The following FCRL4 variants were observed in gnomAD, a reference collection of about 807,000 sequenced individuals.
FCRL4 encodes Fc receptor like 4, also known as Fc receptor-like protein 4.
A neutral mutation model predicts 64.1 loss-of-function variants in FCRL4; 43 were observed. The observed-to-expected ratio is 0.67, with a 90% CI of 0.53 to 0.87. FCRL4 has a LOEUF of 0.87. FCRL4 is among the 40% of genes least tolerant of loss of function. The pLI, the probability that FCRL4 is intolerant of heterozygous loss-of-function variation, is 0.00. For synonymous variants in FCRL4, 253 were observed against 239.8 expected (o/e 1.05, Z -0.51); for missense variants, 656 against 613.5 (o/e 1.07, Z -0.73).
Position 157,589,184 on chromosome 1 carries a change from T to C in FCRL4, c.307+20A>G, listed in dbSNP as rs779390508. 1 of 1,608,002 alleles carries C rather than the reference T, an allele frequency of 6.2e-7. No homozygotes were observed. Among genetic ancestry groups the C allele is most frequent in the East Asian group, 2.2e-5 (1 of 44,754 alleles). On this transcript the variant is annotated intron_variant, in intron 3 of 11. Coordinates refer to ENST00000271532, the MANE Select transcript of FCRL4 (RefSeq NM_031282.3). ...CTGATACCATTTATAAAGTTTCAAC[T>C]AATTCACCTTCTTTCTCACCTGAAG...
Position 157,589,363 on chromosome 1 carries a change from A to G in FCRL4, c.148T>C (p.Tyr50His). 1 of 1,614,204 alleles carries G rather than the reference A, an allele frequency of 6.2e-7. No individual in the cohort carries two copies. The highest frequency in any genetic ancestry group is 8.5e-7 in the Non-Finnish European group (1 of 1,180,026). ...VTLTCNGFQF[Y>H]ATEKTTWYHR... Reference sequence around the variant, plus strand: ...TACCATGTTGTTTTCTCTGTTGCATAGAACTGAAATCCATTGCAAGTCAGA... The same window carrying G: ...TACCATGTTGTTTTCTCTGTTGCATGGAACTGAAATCCATTGCAAGTCAGA... Residue 50 changes from tyrosine (Y) to histidine (H), a missense_variant, in exon 3 of 12, where the codon TAT (tyrosine) becomes CAT (histidine). Transcript: ENST00000271532.
Position 157,586,387 on chromosome 1 carries a change from G to A in FCRL4, c.916C>T (p.Leu306=), listed in dbSNP as rs967722456. Reference sequence around the variant, plus strand: ...TCAGCCACGGAGCAGACAAGGACCAGCATCTCCCCTTCAACAGCCTGGCCC... The same window carrying A: ...TCAGCCACGGAGCAGACAAGGACCAACATCTCCCCTTCAACAGCCTGGCCC... ...SGGQAVEGEM[L]VLVCSVAEGT... is the part of the protein sequence containing the mutation. Residue 306 remains leucine (L), a synonymous_variant, in exon 6 of 12, where the codon CTG becomes TTG. Transcript: ENST00000271532. The A allele has an allele frequency of 1.2e-6, 2 of 1,613,240 alleles. No individual in the cohort carries two copies. The highest frequency in any genetic ancestry group is 8.5e-7 in the Non-Finnish European group (1 of 1,179,994).
At chr1:157,577,155 A>C (rs1245842475) in intron 10 of FCRL4, among the ~76,000 whole-genome samples, 1 of 152,184 alleles carries the variant, frequency 6.6e-6, no homozygotes, top group Non-Finnish European at 1.5e-5. Context: ...TTTATGTCCA[A>C]TGTGTCTCTG....
At chr1:157,597,629 A>C (rs1220751626) in intron 1 of FCRL4, among the ~76,000 whole-genome samples, 1 of 152,186 alleles carries the variant, frequency 6.6e-6, no homozygotes, top group Non-Finnish European at 1.5e-5. Flanking sequence ...TAGGGACTGA[A>C]CCTAGCCATA....
At position 157,589,277 on chromosome 1, in the gene FCRL4, C is replaced by A. The variant is rs866884051; in HGVS notation, c.234G>T (p.Arg78=). Residue 78 remains arginine (R), a synonymous_variant, in exon 3 of 12, where the codon CGG becomes CGT. Coordinates refer to ENST00000271532, the MANE Select transcript of FCRL4 (RefSeq NM_031282.3). ...TLTPGNTLEV[R]ESGLYRCQAR... The stretch of plus-strand genomic sequence containing the variant: ...CCTGGCATCTGTACAGTCCAGATTC[C>A]CGAACCTCGAGGGTGTTTCCTGGGG... 2 of 1,614,160 alleles carry A rather than the reference C, an allele frequency of 1.2e-6. No individual in the cohort carries two copies. The highest frequency in any genetic ancestry group is 3.3e-5 in the Admixed American group (2 of 60,024).
chr1:157,588,424 A>G (rs575136694), intron 3 of FCRL4, among the ~76,000 whole-genome samples: 2 of 152,318 alleles, frequency 1.3e-5, no homozygotes, highest in Admixed American at 1.3e-4. Flanking sequence ...GCAGAACTTA[A>G]CACCAACCTG....
At chr1:157,585,243 C>CCTTTCCTTT (rs200127452) in intron 6 of FCRL4, among the ~76,000 whole-genome samples, 6 of 150,982 alleles carry the variant, frequency 4.0e-5, no homozygotes, top group African/African-American at 1.2e-4. Context: ...TCCTTTCTTT[C>CCTTTCCTTT]CTTTCCTTTC....
chr1:157,573,970 G>A lies in FCRL4; in HGVS notation c.*1554C>T, dbSNP rs28408942. 2.0e-5 allele frequency: 4 copies of A among 199,602 alleles called. No homozygotes were observed. The highest frequency in any genetic ancestry group is 4.6e-5 in the African/African-American group (2 of 43,378). 12.4% of individuals were successfully genotyped at this position (199,602 alleles called of 1,614,324 possible). A position where few individuals can be genotyped will look rare whatever the true frequency, so the allele number is the denominator to read the frequency against. On this transcript the variant is annotated 3_prime_UTR_variant, in exon 12 of 12. Transcript: ENST00000271532. ...CAAGACCCACACATTCCTTTTGGTC[G>A]ACATGTCTCGTCTCATTTAATTTAT... is the stretch of plus-strand genomic sequence containing the variant.
chr1:157,592,138 A>C (rs1041615649), intron 2 of FCRL4, among the ~76,000 whole-genome samples: 2 of 152,244 alleles, frequency 1.3e-5, no homozygotes, highest in Non-Finnish European at 2.9e-5. Context: ...AAAACCATAA[A>C]AACTCTAGAA....
At chr1:157,596,461 T>C in intron 1 of FCRL4, 113 bp from the exon 2 acceptor site, 1 of 1,130,440 alleles carries the variant, frequency 8.8e-7, no homozygotes, top group Non-Finnish European at 1.3e-6. Flanking sequence ...AGAAACACGT[T>C]CCATTCCATC....
intron 1 of FCRL4, 30 bp downstream of exon 1, chr1:157,597,884 G>A (rs866686710): frequency 1.2e-6 from 2 of 1,603,040 alleles, no homozygotes; most frequent in African/African-American, 2.7e-5. Flanking sequence ...CAGCTTTGCA[G>A]CAAGCAAAGG....
In FCRL4 at chr1:157,582,125, A is replaced by G. The variant is rs896217917; in HGVS notation, c.1136-481T>C. Among the ~76,000 whole-genome samples, 3 of 152,238 alleles carry G rather than the reference A, an allele frequency of 2.0e-5. No individual in the cohort carries two copies. In the South Asian group the frequency reaches 6.2e-4, roughly 32 times the overall value. On this transcript the variant is annotated intron_variant, in intron 6 of 11. Coordinates refer to ENST00000271532, the MANE Select transcript of FCRL4 (RefSeq NM_031282.3). ...TGGCATCAGCCTCCTTCCTCATAGA[A>G]GCCTGTGCCTGTGTGCTCTGAAGGG...
chr1:157,598,035 C>T lies in FCRL4; in HGVS notation c.-91G>A. ...AAGCAGCACTTGCCTACACCAGCAC[C>T]AGCAGTGAGCTCAGTAAGCTTCTTC... is the stretch of plus-strand genomic sequence containing the variant. On this transcript the variant is annotated 5_prime_UTR_variant, in exon 1 of 12. Coordinates refer to ENST00000271532, the MANE Select transcript of FCRL4 (RefSeq NM_031282.3). The T allele has an allele frequency of 1.2e-6, 1 of 867,502 alleles. No individual in the cohort carries two copies. Among genetic ancestry groups the T allele is most frequent in the Non-Finnish European group, 1.9e-6 (1 of 513,012 alleles). The allele number at this position is 867,502 out of a possible 1,614,324, so 53.7% of individuals were successfully genotyped here.
At chr1:157,594,898 AATTT>A (rs869105178) in intron 2 of FCRL4, among the ~76,000 whole-genome samples, 1 of 150,984 alleles carries the variant, frequency 6.6e-6, no homozygotes, top group Non-Finnish European at 1.5e-5. Flanking sequence ...GTCTCTGCAG[AATTT>A]ATTTTATTTT....
intron 2 of FCRL4, among the ~76,000 whole-genome samples, chr1:157,589,670 AG>A (rs201563568): frequency 1.3e-5 from 2 of 151,050 alleles, no homozygotes; most frequent in Non-Finnish European, 2.9e-5. Flanking sequence ...GGCCTTTCAG[AG>A]GGGGGGCAGC....
At chr1:157,586,805 T>C (rs1402202229) in intron 5 of FCRL4, among the ~76,000 whole-genome samples, 2 of 152,208 alleles carry the variant, frequency 1.3e-5, no homozygotes, top group Admixed American at 6.5e-5. Flanking sequence ...TCAAAAGTCA[T>C]AATTTTGTAC....
At chr1:157,577,062 G>A (rs974921839) in intron 10 of FCRL4, among the ~76,000 whole-genome samples, 5 of 152,156 alleles carry the variant, frequency 3.3e-5, no homozygotes, top group African/African-American at 1.2e-4. Flanking sequence ...AAGAACCCAG[G>A]TTAATCAACC....
intron 10 of FCRL4, among the ~76,000 whole-genome samples, chr1:157,577,269 C>T (rs1306885821): frequency 1.3e-5 from 2 of 152,112 alleles, no homozygotes; most frequent in Admixed American, 6.6e-5. Flanking sequence ...AAGTGATTTC[C>T]CTGATACTGG....
intron 2 of FCRL4, 128 bp from the exon 3 acceptor site, chr1:157,589,586 AC>A (rs1301067077): frequency 1.6e-6 from 2 of 1,219,816 alleles, no homozygotes; most frequent in Non-Finnish European, 2.3e-6. Context: ...ACTTCTGTTT[AC>A]CCAGGTTGCA....
Sources: allele counts gnomAD v4.1 joint callset (sites outside exome capture counted in the v4.1 genomes callset), GRCh38; gene constraint gnomAD v4.1.1; transcripts MANE v1.5; gene names NCBI Gene and HGNC (gene_info 2026-07-23, HGNC 2026-07-21).